TTN: variants seen among roughly 807,000 people sequenced by gnomAD.
TTN encodes connectin.
In TTN, 1,525 loss-of-function variants were observed where a neutral mutation model predicts 3,223.0. The observed-to-expected ratio is 0.47, with a 90% CI of 0.45 to 0.49. The LOEUF (loss-of-function observed/expected upper bound fraction) is 0.49. Ranked by LOEUF, TTN falls within the 20% of genes least tolerant of loss-of-function variation. The pLI is 0.00. For missense variants in TTN, 40,786 were observed against 43,424.0 expected (o/e 0.94, Z 5.40); for synonymous variants, 14,094 against 15,161.0 (o/e 0.93, Z 5.17).
At chr2:178,661,639 G>GA in intron 180 of TTN, 120 bp downstream of exon 180, 1 of 374,252 alleles carries the variant, frequency 2.7e-6, no homozygotes, top group Non-Finnish European at 3.2e-6. Context: ...CAACCTGCAC[G>GA]TTGTGCACAT....
At chr2:178,558,772 A>G (rs932850837) in intron 326 of TTN, 135 bp from the exon 327 acceptor site, 67 of 1,017,238 alleles carry the variant, frequency 6.6e-5, no homozygotes, top group South Asian at 3.7e-4. Flanking sequence ...TCCTTTTTAC[A>G]TAACCCATTT....
Position 178,599,078 on chromosome 2 carries a change from T to C in TTN, c.56648-16A>G, listed in dbSNP as rs2052580560. The C allele has an allele frequency of 2.6e-6, 4 of 1,523,462 alleles. No individual in the cohort carries two copies. The highest frequency in any genetic ancestry group is 2.3e-5 in the Admixed American group (1 of 43,758). 94.4% of individuals were successfully genotyped at this position (1,523,462 alleles called of 1,614,324 possible). A position where few individuals can be genotyped will look rare whatever the true frequency, so the allele number is the denominator to read the frequency against. The stretch of plus-strand genomic sequence containing the variant: ...CCAGGGACAGCTGTGAAAAAGATCA[T>C]ATTGATTATAAGAAATTTAAAAAAA... On this transcript the variant is annotated splice_polypyrimidine_tract_variant and intron_variant, in intron 290 of 362. Transcript: ENST00000589042.
chr2:178,675,054 C>T lies in TTN; in HGVS notation c.34597G>A (p.Val11533Ile). ...KRIILPKEEE[V>I]LPVEVTEEPE... The stretch of plus-strand genomic sequence containing the variant: ...AGTTATCTACCTTCAACTGGTAGAA[C>T]TTCCTCTTCTTTAGGGAGAATGATT... The change falls in exon 150 of 363, where the codon GTT becomes ATT. Residue 11533 changes from valine to isoleucine, a missense_variant. Physicochemically the swap from Val to Ile is conservative, Grantham distance 29. Coordinates refer to ENST00000589042, the MANE Select transcript of TTN (RefSeq NM_001267550.2). 3 of 1,541,358 alleles carry T rather than the reference C, an allele frequency of 1.9e-6. No individual in the cohort carries two copies. Among genetic ancestry groups the T allele is most frequent in the Non-Finnish European group, 2.6e-6 (3 of 1,151,144 alleles).
At position 178,636,110 on chromosome 2, in the gene TTN, C is replaced by G. The variant is rs749586891; in HGVS notation, c.41461G>C (p.Glu13821Gln). The change falls in exon 226 of 363, where the codon GAG (glutamate) becomes CAG (glutamine). Residue 13821 changes from glutamate (E) to glutamine (Q), a missense_variant. By Grantham distance (29) the Glu-to-Gln change is conservative (BLOSUM62 2). Transcript: ENST00000589042. This position sits in a 1 kb window ranked among gnomAD's most constrained non-coding sequence, Gnocchi z 4.3. The part of the protein sequence containing the change: ...VWRKDGKIVV[E>Q]KPGRIVPGVI... ...CCTGGCACAATTCGGCCAGGTTTCT[C>G]CACCACAATCTTGCCATCCTTCCTC... 1 of 1,613,206 alleles carries G rather than the reference C, an allele frequency of 6.2e-7. No homozygotes were observed. Among genetic ancestry groups the G allele is most frequent in the South Asian group, 1.1e-5 (1 of 91,042 alleles).
chr2:178,758,989 A>G lies in TTN; in HGVS notation c.10298T>C (p.Leu3433Pro). The G allele has an allele frequency of 6.2e-7, 1 of 1,614,046 alleles. No individual in the cohort carries two copies. Among genetic ancestry groups the G allele is most frequent in the Non-Finnish European group, 8.5e-7 (1 of 1,179,932 alleles). The change falls in exon 44 of 363, where the codon CTG becomes CCG. Residue 3433 changes from leucine (L) to proline (P), a missense_variant. Physicochemically the swap from Leu to Pro is moderately conservative, Grantham distance 98 (BLOSUM62 -3). Coordinates refer to ENST00000589042, the MANE Select transcript of TTN (RefSeq NM_001267550.2). The part of the protein sequence containing the change: ...GQVSSTANLS[L>P]EGFSKFEENT... ...TGAAAGTTGTTTTACTTTACCTTCC[A>G]GACTCAGGTTGGCTGTGCTTGATAC...
In TTN at chr2:178,573,624, A is replaced by G. The variant is rs878867684; in HGVS notation, c.72508T>C (p.Trp24170Arg). ...TGGACTTCTGAGGCTACATTTGTCC[A>G]TGCCAATCTGCTGGTTTCACGTTTC... ...VQKRETSRLA[W>R]TNVASEVQVT... is the part of the protein sequence containing the mutation. Residue 24170 changes from tryptophan to arginine, a missense_variant, in exon 326 of 363, where the codon TGG becomes CGG. Coordinates refer to ENST00000589042, the MANE Select transcript of TTN (RefSeq NM_001267550.2). The G allele has an allele frequency of 4.0e-6, 6 of 1,501,534 alleles. No individual in the cohort carries two copies. The highest frequency in any genetic ancestry group is 5.3e-6 in the Non-Finnish European group (6 of 1,127,756). 93.0% of individuals were successfully genotyped at this position (1,501,534 alleles called of 1,614,324 possible). A position where few individuals can be genotyped will look rare whatever the true frequency, so the allele number is the denominator to read the frequency against.
At chr2:178,789,226 A>G (rs1471690277) in intron 13 of TTN, 134 bp downstream of exon 13, 32 of 1,164,764 alleles carry the variant, frequency 2.7e-5, no homozygotes, top group Middle Eastern at 2.9e-4. Context: ...TAAAAAATAA[A>G]TTTGGTTAAT....
In TTN at chr2:178,577,270, G is replaced by A; in HGVS notation, c.69065C>T (p.Ala23022Val). Residue 23022 changes from alanine to valine, a missense_variant, in exon 324 of 363, where the codon GCT becomes GTT. By Grantham distance (64) the Ala-to-Val change is moderately conservative. Coordinates refer to ENST00000589042, the MANE Select transcript of TTN (RefSeq NM_001267550.2). ...RKDAGEYTIT[A>V]TNPFGTKVEH... The stretch of plus-strand genomic sequence containing the variant: ...CACCTTCGTGCCAAAAGGATTGGTA[G>A]CAGTGATGGTATATTCACCCGCATC... 1.9e-6 allele frequency: 3 copies of A among 1,612,896 alleles called. No homozygotes were observed. The highest frequency in any genetic ancestry group is 2.5e-6 in the Non-Finnish European group (3 of 1,179,480).
In TTN at chr2:178,694,847, T is replaced by C; in HGVS notation, c.31330A>G (p.Lys10444Glu). 1 of 1,559,396 alleles carries C rather than the reference T, an allele frequency of 6.4e-7. No homozygotes were observed. The highest frequency in any genetic ancestry group is 8.7e-7 in the Non-Finnish European group (1 of 1,149,922). Residue 10444 changes from lysine (K) to glutamate (E), a missense_variant, in exon 116 of 363, where the codon AAA (lysine) becomes GAA (glutamate). Transcript: ENST00000589042. ...ATAATACCTTTGGTGACTTGAACTT[T>C]TTCTTCCTCCATTCTTCGAGAAGTC... Reference protein sequence around the residue: ...EKTSRRMEEEKVQVTKVPEVS... With the variant: ...EKTSRRMEEEEVQVTKVPEVS...
Position 178,636,828 on chromosome 2 carries a change from T to G in TTN, c.40928-29A>C. The G allele has an allele frequency of 6.5e-7, 1 of 1,535,244 alleles. No homozygotes were observed. The highest frequency in any genetic ancestry group is 8.7e-7 in the Non-Finnish European group (1 of 1,143,948). Reference sequence around the variant, plus strand: ...ATTCAAAGTAAAATAAAAAGTTGATTTGGCATCTCCTTAGGAGTCAGAAAG... The same window carrying G: ...ATTCAAAGTAAAATAAAAAGTTGATGTGGCATCTCCTTAGGAGTCAGAAAG... On this transcript the variant is annotated intron_variant, in intron 224 of 362. Transcript: ENST00000589042. The surrounding 1 kb of genome is among the most constrained non-coding windows in gnomAD (Gnocchi z 4.3).
chr2:178,562,645 A>C lies in TTN; in HGVS notation c.83487T>G (p.Asn27829Lys), dbSNP rs374322635. 8.1e-6 allele frequency: 13 copies of C among 1,601,308 alleles called. No homozygotes were observed. Among genetic ancestry groups the C allele is most frequent in the Non-Finnish European group, 1.1e-5 (13 of 1,175,632 alleles). ...NCTKTTFRIE[N>K]LQEGCSYYFR... The stretch of plus-strand genomic sequence containing the variant: ...AGTAGTAAGAACATCCTTCTTGTAG[A>C]TTTTCAATTCTGAAAGTAGTTTTAG... The change falls in exon 326 of 363, where the codon AAT (asparagine) becomes AAG (lysine). Residue 27829 changes from asparagine to lysine, a missense_variant. Transcript: ENST00000589042.
At chr2:178,543,037 T>C (rs757629237) in intron 347 of TTN, 32 bp downstream of exon 347, 4 of 329,710 alleles carry the variant, frequency 1.2e-5, no homozygotes, top group South Asian at 8.3e-5. Flanking sequence ...TTTACTTTAC[T>C]TTTTTTTTTT....
chr2:178,652,363 T>C lies in TTN; in HGVS notation c.39128-16A>G, dbSNP rs769738352. 5.0e-5 allele frequency: 81 copies of C among 1,613,376 alleles called. 1 individual carries two copies. Among genetic ancestry groups the C allele is most frequent in the Non-Finnish European group, 6.9e-5 (81 of 1,179,634 alleles). Reference sequence around the variant, plus strand: ...GCCTCAGGCACTTGAAAGATAATAGTGAAATTACATTTAGGCATTATGAAG... The same window carrying C: ...GCCTCAGGCACTTGAAAGATAATAGCGAAATTACATTTAGGCATTATGAAG... On this transcript the variant is annotated splice_polypyrimidine_tract_variant and intron_variant, in intron 202 of 362. Transcript: ENST00000589042.
At position 178,561,629 on chromosome 2, in the gene TTN, T is replaced by A; in HGVS notation, c.84503A>T (p.Lys28168Ile). ...TTGCCAGGTTACAAGCATGGTAGATTTTGTGGCATGCACAACTTTAGGAGT... is the reference window on the plus strand; with the variant it reads ...TTGCCAGGTTACAAGCATGGTAGATATTGTGGCATGCACAACTTTAGGAGT... ...PGTPKVVHAT[K>I]STMLVTWQVP... Residue 28168 changes from lysine (K) to isoleucine (I), a missense_variant, in exon 326 of 363, where the codon AAA becomes ATA. By Grantham distance (102) the Lys-to-Ile change is moderately radical. Transcript: ENST00000589042. The A allele has an allele frequency of 6.2e-7, 1 of 1,612,136 alleles. No homozygotes were observed. The highest frequency in any genetic ancestry group is 1.1e-5 in the South Asian group (1 of 90,806).
In TTN at chr2:178,750,523, G is replaced by T. The variant is rs1482705228; in HGVS notation, c.11311+2601C>A. 2 of 1,612,618 alleles carry T rather than the reference G, an allele frequency of 1.2e-6. No homozygotes were observed. Among genetic ancestry groups the T allele is most frequent in the Non-Finnish European group, 1.7e-6 (2 of 1,179,356 alleles). ...GAAAATGACACACAAAATTACAACT[G>T]TCACCTTCATAAACTTCTTGAGATT... On this transcript the variant is annotated intron_variant, in intron 47 of 362. Transcript: ENST00000589042.
intron 226 of TTN, 25 bp downstream of exon 226, chr2:178,635,938 C>T (rs756850987): frequency 2.0e-5 from 31 of 1,554,068 alleles, no homozygotes; most frequent in Middle Eastern, 1.7e-4. Flanking sequence ...ATAAGCAGAA[C>T]GAAATCTCCC....
At chr2:178,687,665 T>A (rs1302336262) in intron 127 of TTN, among the ~76,000 whole-genome samples, 1 of 152,106 alleles carries the variant, frequency 6.6e-6, no homozygotes, top group Non-Finnish European at 1.5e-5. Flanking sequence ...ATGCCTAGAA[T>A]AAAAAAATTA....
In TTN at chr2:178,539,668, T is replaced by C; in HGVS notation, c.98397A>G (p.Pro32799=). 1 of 1,613,786 alleles carries C rather than the reference T, an allele frequency of 6.2e-7. No homozygotes were observed. The highest frequency in any genetic ancestry group is 1.1e-5 in the South Asian group (1 of 91,088). ...KVRVIGSPNS[P]EGPLEYDDIQ... ...TGTCATCATATTCCAGTGGCCCTTC[T>C]GGACTGTTGGGACTTCCTATCACCC... Residue 32799 remains proline (P), a synonymous_variant, in exon 352 of 363, where the codon CCA becomes CCG. Transcript: ENST00000589042.
At chr2:178,537,977 C>T in intron 354 of TTN, 60 bp from the exon 355 acceptor site, 1 of 1,380,600 alleles carries the variant, frequency 7.2e-7, no homozygotes, top group Non-Finnish European at 9.7e-7. Flanking sequence ...AATCCTTTGT[C>T]CTTGTATATC....
Sources: allele counts gnomAD v4.1 joint callset (sites outside exome capture counted in the v4.1 genomes callset), GRCh38; gene constraint gnomAD v4.1.1; non-coding constraint Gnocchi (gnomAD v3.1); transcripts MANE v1.5; gene names NCBI Gene and HGNC (gene_info 2026-07-23, HGNC 2026-07-21).